Variants in PDE7A observed in about 807,000 individuals in gnomAD.
The protein encoded by PDE7A is phosphodiesterase 7A.
Under a neutral mutation model 64.3 loss-of-function variants are expected in PDE7A, and 39 were observed. The ratio of observed to expected loss-of-function variants is 0.61; its 90% CI spans 0.47 to 0.79. The LOEUF is 0.79. PDE7A is among the 30% of genes least tolerant of loss of function. The pLI, the probability that PDE7A is intolerant of heterozygous loss-of-function variation, is 0.00. For synonymous variants in PDE7A, 203 were observed against 206.8 expected, an observed-to-expected ratio of 0.98 and a Z score of 0.16; for missense variants, 470 against 582.8, an observed-to-expected ratio of 0.81 and a Z score of 1.99.
At chr8:65,746,018 C>T (rs1807658224) in intron 4 of PDE7A, among the ~76,000 whole-genome samples, 1 of 151,956 alleles carries the variant, frequency 6.6e-6, no homozygotes. Flanking sequence ...GCAGCCATGA[C>T]CTCCTGGGCT....
chr8:65,730,171 C>CTTCTTTTTTT lies in PDE7A; in HGVS notation c.697-2871_697-2870insAAAAAAAGAA, dbSNP rs1295965698. Among the ~76,000 whole-genome samples the CTTCTTTTTTT allele has an allele frequency of 2.0e-3, 171 of 86,436 alleles. 32 individuals carry two copies. Among genetic ancestry groups the CTTCTTTTTTT allele is most frequent in the Non-Finnish European group, 2.5e-3 (119 of 47,832 alleles). 56.7% of individuals were successfully genotyped at this position (86,436 alleles called of 152,430 possible). ...TGTGAGGGATCCAGGTTGCGCACTT[C>CTTCTTTTTTT]TTTTTTTTTTTTTTTTTTTTTTTTT... On this transcript the variant is annotated intron_variant, in intron 7 of 12. Transcript: ENST00000401827.
chr8:65,835,065 T>C (rs555968832), intron 1 of PDE7A, among the ~76,000 whole-genome samples: 3 of 152,362 alleles, frequency 2.0e-5, no homozygotes, highest in South Asian at 2.1e-4. Flanking sequence ...ACAAAGTCTA[T>C]GTTACTTTTA....
At chr8:65,829,819 A>G (rs1264542777) in intron 1 of PDE7A, among the ~76,000 whole-genome samples, 1 of 152,140 alleles carries the variant, frequency 6.6e-6, no homozygotes, top group African/African-American at 2.4e-5. Context: ...ACAGATGAAT[A>G]AGGTATTATT....
At chr8:65,740,492 C>T (rs1481125414) in intron 5 of PDE7A, among the ~76,000 whole-genome samples, 1 of 152,116 alleles carries the variant, frequency 6.6e-6, no homozygotes, top group Admixed American at 6.5e-5. Context: ...CCTCCACCTC[C>T]TGAGTTCAAG....
In PDE7A at chr8:65,841,989, C is replaced by CCGA. The variant is rs1811108301; in HGVS notation, c.-482_-481insTCG. ...GCCGCCGCCGCCGCCGCCGCCGCCG[C>CCGA]CGCCGGAGTCCTGCTCCTCCCCTCC... is the stretch of plus-strand genomic sequence containing the variant. On this transcript the variant is annotated 5_prime_UTR_variant, in exon 1 of 13. Coordinates refer to ENST00000401827, the MANE Select transcript of PDE7A (RefSeq NM_001242318.3). 1 of 257,250 alleles carries CCGA rather than the reference C, an allele frequency of 3.9e-6. No homozygotes were observed. The highest frequency in any genetic ancestry group is 2.5e-5 in the African/African-American group (1 of 39,814). 15.9% of individuals were successfully genotyped at this position (257,250 alleles called of 1,614,324 possible).
intron 7 of PDE7A, among the ~76,000 whole-genome samples, chr8:65,730,250 G>A (rs573214696): frequency 3.9e-5 from 5 of 128,224 alleles, no homozygotes; most frequent in South Asian, 2.7e-4. Flanking sequence ...GCGCAATCAC[G>A]GCTCACCGAA....
intron 3 of PDE7A, among the ~76,000 whole-genome samples, chr8:65,750,508 GTGTGTC>G (rs1411929652): frequency 8.0e-5 from 12 of 150,334 alleles, no homozygotes; most frequent in African/African-American, 2.7e-4. Context: ...GTGTGTCTGT[GTGTGTC>G]TGTGTGTGTG....
intron 7 of PDE7A, among the ~76,000 whole-genome samples, chr8:65,732,265 C>T (rs561068144): frequency 6.6e-6 from 1 of 152,268 alleles, no homozygotes; most frequent in South Asian, 2.1e-4. Flanking sequence ...TCCCAAAATG[C>T]TGGGATTACA....
chr8:65,737,707 C>A (rs947455437), intron 6 of PDE7A, among the ~76,000 whole-genome samples: 1 of 152,018 alleles, frequency 6.6e-6, no homozygotes, highest in South Asian at 2.1e-4. Context: ...TTAGTAGAGA[C>A]GGGGTTTCAC....
At chr8:65,756,420 T>C (rs1808242513) in intron 3 of PDE7A, among the ~76,000 whole-genome samples, 1 of 151,790 alleles carries the variant, frequency 6.6e-6, no homozygotes, top group Non-Finnish European at 1.5e-5. Flanking sequence ...TCAGGCTCTG[T>C]TCATTTCTCT....
intron 12 of PDE7A, chr8:65,719,772 AT>A (rs1806296548): frequency 2.4e-6 from 1 of 416,868 alleles, no homozygotes; most frequent in Non-Finnish European, 4.4e-6. Flanking sequence ...GCACAACTAC[AT>A]TCTTCTACTT....
At position 65,823,383 on chromosome 8, in the gene PDE7A, GTTA is replaced by G. The variant is rs781107263; in HGVS notation, c.138+17985_138+17987del. On this transcript the variant is annotated intron_variant, in intron 1 of 12. Coordinates refer to ENST00000401827, the MANE Select transcript of PDE7A (RefSeq NM_001242318.3). ...TTACCTTCAAATTGTCCTCTTGTAT[GTTA>G]TTATTATTTAAAAATCCCTTTAAAT... 1.4e-4 allele frequency among the ~76,000 whole-genome samples: 22 copies of G among 152,164 alleles called. No homozygotes were observed. In the East Asian group the frequency reaches 2.9e-3, roughly 20 times the overall value.
intron 12 of PDE7A, among the ~76,000 whole-genome samples, chr8:65,720,105 G>C (rs1806312331): frequency 1.3e-5 from 2 of 152,206 alleles, no homozygotes; most frequent in Admixed American, 1.3e-4. Flanking sequence ...ATGTGTACCA[G>C]AGACCTATTT....
chr8:65,777,340 A>C (rs565882053), intron 3 of PDE7A, among the ~76,000 whole-genome samples: 64 of 152,146 alleles, frequency 4.2e-4, no homozygotes, highest in African/African-American at 1.5e-3. Context: ...CAGCCTCCCA[A>C]AGTGCTGGGA....
intron 7 of PDE7A, among the ~76,000 whole-genome samples, chr8:65,733,458 T>C (rs896576579): frequency 6.6e-6 from 1 of 152,160 alleles, no homozygotes; most frequent in Admixed American, 6.6e-5. Context: ...TTTTTTGAAG[T>C]TTAATTTAAA....
intron 3 of PDE7A, among the ~76,000 whole-genome samples, chr8:65,750,520 G>GTC (rs1807896105): frequency 6.7e-6 from 1 of 150,160 alleles, no homozygotes; most frequent in African/African-American, 2.5e-5. Context: ...GTGTCTGTGT[G>GTC]TGTGTGAGAC....
chr8:65,825,973 T>C (rs1266766068), intron 1 of PDE7A, among the ~76,000 whole-genome samples: 1 of 152,224 alleles, frequency 6.6e-6, no homozygotes, highest in East Asian at 1.9e-4. Flanking sequence ...GGTGCTATTT[T>C]GAAGAGGATG....
chr8:65,829,439 C>T (rs1810759174), intron 1 of PDE7A, among the ~76,000 whole-genome samples: 1 of 152,078 alleles, frequency 6.6e-6, no homozygotes, highest in South Asian at 2.1e-4. Context: ...CAAACGATTA[C>T]TGGGCCATAA....
Position 65,774,108 on chromosome 8 carries a change from T to C in PDE7A, c.283+5612A>G, listed in dbSNP as rs184214619. ...AACTAAGTTTCTTTCCCCTCCCATC[T>C]CCTCAAGCCACCCAGTTTCTATCCT... On this transcript the variant is annotated intron_variant, in intron 3 of 12. Transcript: ENST00000401827. Among the ~76,000 whole-genome samples, 61 of 152,268 alleles carry C rather than the reference T, an allele frequency of 4.0e-4. No individual in the cohort carries two copies. In the Middle Eastern group the frequency reaches 0.017, roughly 42 times the overall value.
Sources: allele counts gnomAD v4.1 joint callset (sites outside exome capture counted in the v4.1 genomes callset), GRCh38; gene constraint gnomAD v4.1.1; transcripts MANE v1.5; gene names NCBI Gene and HGNC (gene_info 2026-07-23, HGNC 2026-07-21).